The following MACROD2 variants were observed in gnomAD, a reference collection of about 807,000 sequenced individuals.
MACROD2 encodes the protein mono-ADP ribosylhydrolase 2, also known as ADP-ribose glycohydrolase MACROD2.
MACROD2 carries 36 observed loss-of-function variants against 70.4 expected under a neutral mutation model. The observed-to-expected ratio is 0.51, with a 90% CI of 0.39 to 0.68. The LOEUF (loss-of-function observed/expected upper bound fraction) is 0.68, where lower values mean the gene tolerates loss of function less well. MACROD2 is among the 30% of genes least tolerant of loss of function. MACROD2 has a pLI of 0.00. For missense variants in MACROD2, 496 were observed against 538.4 expected (o/e 0.92, Z 0.78); for synonymous variants, 172 against 178.8 (o/e 0.96, Z 0.30).
Position 14,066,250 on chromosome 20 carries a change from C to G in MACROD2, c.164-19371C>G, listed in dbSNP as rs1671806920. Among the ~76,000 whole-genome samples, 3 of 152,126 alleles carry G rather than the reference C, an allele frequency of 2.0e-5. No individual in the cohort carries two copies. In the South Asian group the frequency reaches 6.2e-4, roughly 31 times the overall value. ...TGAATTTGGACTTGTATAGAACAAA[C>G]CAGGTCCTCTTAAGCATAAACACAT... On this transcript the variant is annotated intron_variant, in intron 2 of 17. Transcript: ENST00000684519.
chr20:14,974,685 A>C (rs1053277434), intron 5 of MACROD2, among the ~76,000 whole-genome samples: 3 of 152,192 alleles, frequency 2.0e-5, no homozygotes, highest in African/African-American at 7.2e-5. Context: ...GCAACCTTTC[A>C]GTAAAGGAGC....
chr20:14,969,147 C>T (rs1600888752), intron 5 of MACROD2, among the ~76,000 whole-genome samples: 1 of 149,972 alleles, frequency 6.7e-6, no homozygotes, highest in East Asian at 1.9e-4. Flanking sequence ...AAAATTATAG[C>T]ACCTATCTCC....
intron 8 of MACROD2, among the ~76,000 whole-genome samples, chr20:15,636,094 AAAG>A (rs1269015587): frequency 3.7e-4 from 51 of 138,680 alleles, no homozygotes; most frequent in Non-Finnish European, 6.4e-4. Flanking sequence ...AAAAAAAAAG[AAAG>A]AAAAGAAAAG....
intron 3 of MACROD2, among the ~76,000 whole-genome samples, chr20:14,107,705 C>G (rs1020509005): frequency 5.9e-5 from 9 of 152,022 alleles, no homozygotes; most frequent in Non-Finnish European, 1.3e-4. Flanking sequence ...CAGTGGAAAC[C>G]CTGCATGCCA....
chr20:15,978,675 A>G (rs1282126908), intron 13 of MACROD2, among the ~76,000 whole-genome samples: 1 of 151,920 alleles, frequency 6.6e-6, no homozygotes, highest in Non-Finnish European at 1.5e-5. Context: ...ATGAGGATGA[A>G]TGGGTTTTTT....
At chr20:14,354,464 A>C (rs1020674276) in intron 3 of MACROD2, among the ~76,000 whole-genome samples, 2 of 152,172 alleles carry the variant, frequency 1.3e-5, no homozygotes, top group Non-Finnish European at 2.9e-5. Flanking sequence ...TTTTAGGTGG[A>C]TATCAGCCTT....
At chr20:15,917,019 A>G (rs1280872682) in intron 10 of MACROD2, among the ~76,000 whole-genome samples, 2 of 152,216 alleles carry the variant, frequency 1.3e-5, no homozygotes, top group South Asian at 2.1e-4. Context: ...ACATATAAAA[A>G]CCATTCTTAG....
intron 8 of MACROD2, among the ~76,000 whole-genome samples, chr20:15,749,796 A>C (rs2051240551): frequency 6.6e-6 from 1 of 152,170 alleles, no homozygotes; most frequent in African/African-American, 2.4e-5. Flanking sequence ...AATACTGACT[A>C]TCGAAAGGCA....
intron 15 of MACROD2, among the ~76,000 whole-genome samples, chr20:16,026,675 G>C (rs748226395): frequency 6.6e-6 from 1 of 152,172 alleles, no homozygotes. Context: ...GGGGTCCTCT[G>C]TTCACATCTC....
chr20:14,506,994 A>T (rs761399617), intron 4 of MACROD2, among the ~76,000 whole-genome samples: 3 of 152,180 alleles, frequency 2.0e-5, no homozygotes, highest in Non-Finnish European at 4.4e-5. Flanking sequence ...GAGTTGCGAT[A>T]CTATATCATT....
intron 3 of MACROD2, among the ~76,000 whole-genome samples, chr20:14,311,008 GA>G (rs1047230733): frequency 6.6e-6 from 1 of 152,078 alleles, no homozygotes; most frequent in African/African-American, 2.4e-5. Context: ...TTTATAAAAT[GA>G]AACAGTTACA....
At chr20:15,523,856 T>G (rs1184298385) in intron 8 of MACROD2, among the ~76,000 whole-genome samples, 1 of 152,200 alleles carries the variant, frequency 6.6e-6, no homozygotes, top group Non-Finnish European at 1.5e-5. Context: ...TGAGCTTGTG[T>G]AGCTATCATG....
chr20:15,712,535 A>T (rs2050643399), intron 8 of MACROD2, among the ~76,000 whole-genome samples: 1 of 152,202 alleles, frequency 6.6e-6, no homozygotes. Context: ...CAGGGCAGGC[A>T]AGAGCCAGGG....
chr20:14,483,508 G>A (rs1322123466), intron 3 of MACROD2, among the ~76,000 whole-genome samples: 1 of 152,112 alleles, frequency 6.6e-6, no homozygotes, highest in Non-Finnish European at 1.5e-5. Context: ...CCAGGTTCAA[G>A]CGATTCTCCT....
chr20:14,934,660 G>A (rs1292193820), intron 5 of MACROD2, among the ~76,000 whole-genome samples: 1 of 152,076 alleles, frequency 6.6e-6, no homozygotes, highest in Non-Finnish European at 1.5e-5. Flanking sequence ...GGTGGCATGT[G>A]CCTGTAATCC....
chr20:15,285,893 G>A (rs1366209469), intron 6 of MACROD2, among the ~76,000 whole-genome samples: 1 of 150,406 alleles, frequency 6.6e-6, no homozygotes, highest in African/African-American at 2.5e-5. Flanking sequence ...TTTTGGGGGG[G>A]TTGCATTTAT....
intron 8 of MACROD2, among the ~76,000 whole-genome samples, chr20:15,681,663 C>A (rs2050161828): frequency 6.6e-6 from 1 of 152,136 alleles, no homozygotes; most frequent in African/African-American, 2.4e-5. Flanking sequence ...GGTGTTATAT[C>A]ATTTTCCTGT....
chr20:14,705,216 C>T (rs1044118621), intron 5 of MACROD2, among the ~76,000 whole-genome samples: 2 of 152,102 alleles, frequency 1.3e-5, no homozygotes, highest in Non-Finnish European at 2.9e-5. Context: ...CCGTCTGTTA[C>T]TTTGTATCCT....
intron 5 of MACROD2, chr20:14,935,146 C>CAA (rs1757493469): frequency 6.6e-6 from 1 of 152,114 alleles, no homozygotes; most frequent in Non-Finnish European, 1.5e-5. Context: ...CACACACACA[C>CAA]ACACGCACGC....
Sources: gnomAD v4.1 joint callset for allele counts (sites outside exome capture counted in the v4.1 genomes callset) on GRCh38, gnomAD v4.1.1 for gene constraint, MANE v1.5 for transcripts, NCBI Gene and HGNC (gene_info 2026-07-23, HGNC 2026-07-21) for gene names.